The following ADAMTSL1 variants were observed in gnomAD, a reference collection of about 807,000 sequenced individuals.
ADAMTSL1 encodes the protein ADAMTS like 1.
In ADAMTSL1, 126 loss-of-function variants were observed where a neutral mutation model predicts 201.8. The observed-to-expected ratio is 0.62, with a 90% CI of 0.54 to 0.72. The LOEUF (loss-of-function observed/expected upper bound fraction) is 0.72. Among genes scored for constraint, ADAMTSL1 ranks in the 30% least tolerant of loss-of-function variants. The pLI is 0.00. For missense variants in ADAMTSL1, 2,679 were observed against 2,277.8 expected, an observed-to-expected ratio of 1.18 and a Z score of -3.59; for synonymous variants, 1,121 against 903.4, an observed-to-expected ratio of 1.24 and a Z score of -4.32.
chr9:18,411,755 A>C (rs1223631290), intron 2 of ADAMTSL1, among the ~76,000 whole-genome samples: 1 of 152,158 alleles, frequency 6.6e-6, no homozygotes, highest in Non-Finnish European at 1.5e-5. Context: ...ATGTCATTTC[A>C]CCCATAAATA....
intron 9 of ADAMTSL1, among the ~76,000 whole-genome samples, chr9:18,667,695 G>A (rs148253961): frequency 2.7e-3 from 417 of 152,186 alleles, no homozygotes; most frequent in African/African-American, 9.7e-3. Flanking sequence ...CTAAGATCAC[G>A]GTTATGATGA....
intron 21 of ADAMTSL1, among the ~76,000 whole-genome samples, chr9:18,820,185 C>T (rs1244850600): frequency 1.3e-5 from 2 of 152,222 alleles, no homozygotes; most frequent in Non-Finnish European, 2.9e-5. Flanking sequence ...CATATTCATT[C>T]ATGTTATTCA....
chr9:18,671,909 C>T (rs992978783), intron 9 of ADAMTSL1, among the ~76,000 whole-genome samples: 3 of 151,926 alleles, frequency 2.0e-5, no homozygotes, highest in East Asian at 1.9e-4. Flanking sequence ...TGGCGGCGGG[C>T]GCCTGTAGTC....
At chr9:18,209,489 C>G (rs1829785758) in intron 2 of ADAMTSL1, among the ~76,000 whole-genome samples, 1 of 152,106 alleles carries the variant, frequency 6.6e-6, no homozygotes, top group Non-Finnish European at 1.5e-5. Context: ...CAAACCCTGC[C>G]TAAACTCTGT....
At chr9:18,331,068 C>T (rs1835009246) in intron 2 of ADAMTSL1, among the ~76,000 whole-genome samples, 1 of 151,562 alleles carries the variant, frequency 6.6e-6, no homozygotes, top group African/African-American at 2.4e-5. Flanking sequence ...AGGGTGCTCA[C>T]AAACAGAGGA....
intron 2 of ADAMTSL1, among the ~76,000 whole-genome samples, chr9:18,357,622 C>G (rs1273463510): frequency 6.6e-6 from 1 of 151,960 alleles, no homozygotes; most frequent in Non-Finnish European, 1.5e-5. Context: ...AATCTAGTTC[C>G]TCTTTCTTTA....
intron 2 of ADAMTSL1, among the ~76,000 whole-genome samples, chr9:18,316,362 G>A (rs367786425): frequency 7.2e-5 from 11 of 152,080 alleles, no homozygotes; most frequent in South Asian, 2.1e-4. Flanking sequence ...GCCTGGGAGC[G>A]CTATGGGAGA....
At chr9:18,257,756 C>G (rs1285903864) in intron 2 of ADAMTSL1, among the ~76,000 whole-genome samples, 3 of 152,080 alleles carry the variant, frequency 2.0e-5, no homozygotes, top group Non-Finnish European at 4.4e-5. Flanking sequence ...AAGGTGGAAA[C>G]AACAGATGAG....
intron 2 of ADAMTSL1, among the ~76,000 whole-genome samples, chr9:18,368,771 A>G (rs1171039656): frequency 6.6e-6 from 1 of 152,224 alleles, no homozygotes; most frequent in Non-Finnish European, 1.5e-5. Context: ...AGCCCATGTT[A>G]TGATCATTTC....
intron 17 of ADAMTSL1, among the ~76,000 whole-genome samples, chr9:18,774,147 C>A: frequency 6.6e-6 from 1 of 152,168 alleles, no homozygotes; most frequent in East Asian, 1.9e-4. Flanking sequence ...CTGGAGATGA[C>A]AGCCTCCTTC....
intron 15 of ADAMTSL1, among the ~76,000 whole-genome samples, chr9:18,740,247 G>C (rs1169393915): frequency 6.6e-6 from 1 of 152,056 alleles, no homozygotes; most frequent in Non-Finnish European, 1.5e-5. Flanking sequence ...ATTAGGGGAG[G>C]TCAAGAAGCC....
intron 23 of ADAMTSL1, among the ~76,000 whole-genome samples, chr9:18,845,466 A>G (rs1826045434): frequency 1.3e-5 from 2 of 152,212 alleles, no homozygotes; most frequent in Non-Finnish European, 2.9e-5. Flanking sequence ...TGGCACCAAC[A>G]TGCTCACCAG....
chr9:18,741,650 A>G (rs1338125383), intron 15 of ADAMTSL1, among the ~76,000 whole-genome samples: 2 of 152,238 alleles, frequency 1.3e-5, no homozygotes, highest in Admixed American at 6.5e-5. Flanking sequence ...GTCTGAAATC[A>G]AAGTACGGAC....
At chr9:18,155,144 T>C (rs1827095780) in intron 1 of ADAMTSL1, among the ~76,000 whole-genome samples, 1 of 152,030 alleles carries the variant, frequency 6.6e-6, no homozygotes, top group Admixed American at 6.6e-5. Flanking sequence ...TTTTGTTTCC[T>C]TTGACATACT....
intron 2 of ADAMTSL1, among the ~76,000 whole-genome samples, chr9:18,181,664 T>C (rs2132180285): frequency 6.6e-6 from 1 of 152,052 alleles, no homozygotes; most frequent in South Asian, 2.1e-4. Flanking sequence ...TGTGGAGAAA[T>C]AGGAACACTT....
At chr9:18,360,830 G>A (rs1223493408) in intron 2 of ADAMTSL1, 12 of 152,094 alleles carry the variant, frequency 7.9e-5, no homozygotes. Context: ...CTGTGACTAG[G>A]ATGTCTTGAG....
chr9:18,651,060 C>T (rs1173343845), intron 7 of ADAMTSL1: 1 of 152,212 alleles, frequency 6.6e-6, no homozygotes, highest in Non-Finnish European at 1.5e-5. Context: ...CAGCAGGAAG[C>T]TGCTTTGCTG....
Position 18,618,522 on chromosome 9 carries a change from A to G in ADAMTSL1, c.475-3721A>G, listed in dbSNP as rs990436698. 2.9e-5 allele frequency among the ~76,000 whole-genome samples: 4 copies of G among 140,350 alleles called. No individual in the cohort carries two copies. In the South Asian group the frequency reaches 9.2e-4, roughly 32 times the overall value. 92.1% of individuals were successfully genotyped at this position (140,350 alleles called of 152,430 possible). A position where few individuals can be genotyped will look rare whatever the true frequency, so the allele number is the denominator to read the frequency against. On this transcript the variant is annotated intron_variant, in intron 4 of 28. Transcript: ENST00000380548. ...AGTTATATAATAATTTGAATTGGGT[A>G]TACATGAAAAAAAAAACAAAATAAT...
intron 23 of ADAMTSL1, among the ~76,000 whole-genome samples, chr9:18,857,101 A>G (rs1192795340): frequency 1.5e-4 from 23 of 152,156 alleles, no homozygotes; most frequent in Admixed American, 1.5e-3. Context: ...ACGAGTTTCA[A>G]GACGTGGTTT....
Sources: allele counts gnomAD v4.1 joint callset (sites outside exome capture counted in the v4.1 genomes callset), GRCh38; gene constraint gnomAD v4.1.1; transcripts MANE v1.5; gene names NCBI Gene and HGNC (gene_info 2026-07-23, HGNC 2026-07-21).